KIF24: variants seen among roughly 807,000 people sequenced by gnomAD.
KIF24 encodes kinesin family member 24.
KIF24 carries 81 observed loss-of-function variants against 118.9 expected under a neutral mutation model. The ratio of observed to expected loss-of-function variants is 0.68; its 90% CI spans 0.57 to 0.82. The LOEUF (loss-of-function observed/expected upper bound fraction) is 0.82, where lower values mean the gene tolerates loss of function less well. Ranked by LOEUF, KIF24 falls within the 40% of genes least tolerant of loss-of-function variation. KIF24 has a pLI of 0.00. For missense variants in KIF24, 1,560 were observed against 1,661.6 expected, an observed-to-expected ratio of 0.94 and a Z score of 1.06; for synonymous variants, 599 against 610.0, an observed-to-expected ratio of 0.98 and a Z score of 0.27.
rs556845604 is a variant in KIF24 at position 34,263,126 on chromosome 9, G to A, written c.1490C>T (p.Pro497Leu). ...RALDQEHTHT[P>L]FRQSKLTQVL... ...CTGAGTTAGTTTGCTTTGCCTGAAGGGAGTATGGGTGTGTTCCTGATCCAG... is the reference window on the plus strand; with the variant it reads ...CTGAGTTAGTTTGCTTTGCCTGAAGAGAGTATGGGTGTGTTCCTGATCCAG... The change falls in exon 9 of 13, where the codon CCC becomes CTC. Residue 497 changes from proline to leucine, a missense_variant. Pro to Leu is a moderately conservative substitution (Grantham distance 98, BLOSUM62 -3). Coordinates refer to ENST00000402558, the MANE Select transcript of KIF24 (RefSeq NM_194313.4). 5 of 1,613,432 alleles carry A rather than the reference G, an allele frequency of 3.1e-6. No homozygotes were observed. In the South Asian group the frequency reaches 4.4e-5, roughly 14 times the overall value.
Position 34,256,333 on chromosome 9 carries a change from G to T in KIF24, c.3274C>A (p.His1092Asn). Reference sequence around the variant, plus strand: ...TCTTGATCACCAGATGGCACTGTGTGGCTCACAACTGGGCCCCCTGTGCTC... The same window carrying T: ...TCTTGATCACCAGATGGCACTGTGTTGCTCACAACTGGGCCCCCTGTGCTC... ...AESTGGPVVS[H>N]TVPSGDQEAA... The change falls in exon 11 of 13, where the codon CAC (histidine) becomes AAC (asparagine). Residue 1092 changes from histidine to asparagine, a missense_variant. This residue lies in a region of KIF24 where 591 missense variants were observed against 655.6 expected (regional missense o/e 0.90). Coordinates refer to ENST00000402558, the MANE Select transcript of KIF24 (RefSeq NM_194313.4). 2 of 1,613,562 alleles carry T rather than the reference G, an allele frequency of 1.2e-6. No homozygotes were observed. The highest frequency in any genetic ancestry group is 1.7e-6 in the Non-Finnish European group (2 of 1,179,798).
chr9:34,331,317 T>C (rs554943521), upstream of KIF24, among the ~76,000 whole-genome samples: 20 of 152,338 alleles, frequency 1.3e-4, no homozygotes, highest in South Asian at 3.5e-3. Flanking sequence ...ATTTAGTACC[T>C]CTGATAATGT....
intron 9 of KIF24, among the ~76,000 whole-genome samples, chr9:34,260,766 T>A (rs1392631376): frequency 6.6e-6 from 1 of 151,738 alleles, no homozygotes; most frequent in Non-Finnish European, 1.5e-5. Context: ...AGGTCAGGAG[T>A]TCAAAACCAG....
intron 3 of KIF24, among the ~76,000 whole-genome samples, chr9:34,303,476 A>G (rs1836801806): frequency 6.6e-6 from 1 of 152,156 alleles, no homozygotes; most frequent in South Asian, 2.1e-4. Context: ...CTGAACTTGG[A>G]TTATGCTTGC....
chr9:34,310,701 G>C, intron 2 of KIF24, 23 bp downstream of exon 2: 2 of 1,543,778 alleles, frequency 1.3e-6, no homozygotes, highest in South Asian at 2.6e-5. Flanking sequence ...TCCCTCAAAA[G>C]AAAGAAAGAT....
chr9:34,319,419 C>A, intron 1 of KIF24: 1 of 977,392 alleles, frequency 1.0e-6, no homozygotes, highest in Non-Finnish European at 1.7e-6. Flanking sequence ...GTCACGCATG[C>A]CACACAAGAA....
At position 34,256,575 on chromosome 9, in the gene KIF24, A is replaced by C. The variant is rs1434695781; in HGVS notation, c.3032T>G (p.Val1011Gly). 1 of 1,613,900 alleles carries C rather than the reference A, an allele frequency of 6.2e-7. No individual in the cohort carries two copies. Among genetic ancestry groups the C allele is most frequent in the Non-Finnish European group, 8.5e-7 (1 of 1,179,888 alleles). Residue 1011 changes from valine (V) to glycine (G), a missense_variant, in exon 11 of 13, where the codon GTC (valine) becomes GGC (glycine). Val to Gly is a moderately radical substitution (Grantham distance 109, BLOSUM62 -3). Coordinates refer to ENST00000402558, the MANE Select transcript of KIF24 (RefSeq NM_194313.4). ...CACCTGGATTGGGCCGTCTGCACTG[A>C]CTTCTCTCAGAGGTGTGGTGACTGT... ...RDTVTTPLRE[V>G]SADGPIQVTS...
At chr9:34,306,986 C>T (rs1742616111) in intron 2 of KIF24, among the ~76,000 whole-genome samples, 1 of 152,072 alleles carries the variant, frequency 6.6e-6, no homozygotes, top group Admixed American at 6.6e-5. Context: ...AAACAAAAAA[C>T]CCCTAAGAGA....
Position 34,256,649 on chromosome 9 carries a change from A to T in KIF24, c.2958T>A (p.Thr986=). 3 of 1,613,928 alleles carry T rather than the reference A, an allele frequency of 1.9e-6. No homozygotes were observed. Among genetic ancestry groups the T allele is most frequent in the Non-Finnish European group, 2.5e-6 (3 of 1,179,850 alleles). Residue 986 remains threonine (T), a synonymous_variant, in exon 11 of 13, where the codon ACT becomes ACA. Transcript: ENST00000402558. The part of the protein sequence containing the change: ...NLPSPEEDGF[T]ISLSHVAVPG... Reference sequence around the variant, plus strand: ...GAACTGCAACGTGGGACAATGAGATAGTGAAACCATCTTCCTCTGGGGATG... The same window carrying T: ...GAACTGCAACGTGGGACAATGAGATTGTGAAACCATCTTCCTCTGGGGATG...
intron 1 of KIF24, among the ~76,000 whole-genome samples, chr9:34,314,460 C>G (rs2131820791): frequency 6.6e-6 from 1 of 152,210 alleles, no homozygotes; most frequent in South Asian, 2.1e-4. Flanking sequence ...GCCACCATGC[C>G]CAGCCCAGTT....
rs951542051 is a variant in KIF24, at chr9:34,318,910, G to A, written c.-25-7539C>T. 4.4e-6 allele frequency: 7 copies of A among 1,583,730 alleles called. No individual in the cohort carries two copies. Among genetic ancestry groups the A allele is most frequent in the African/African-American group, 1.3e-5 (1 of 74,596 alleles). The stretch of plus-strand genomic sequence containing the variant: ...TCAATTTCCATGACAAGCGCAGTGC[G>A]CTGCAGTCCATCCACGAGTGGGCCG... On this transcript the variant is annotated intron_variant, in intron 1 of 12. Coordinates refer to ENST00000402558, the MANE Select transcript of KIF24 (RefSeq NM_194313.4). This position sits in a 1 kb window ranked among gnomAD's most constrained non-coding sequence, Gnocchi z 4.9.
intron 12 of KIF24, among the ~76,000 whole-genome samples, 184 bp from the exon 13 acceptor site, chr9:34,254,704 C>T (rs1400401373): frequency 2.6e-5 from 4 of 152,160 alleles, no homozygotes; most frequent in Admixed American, 2.6e-4. Context: ...GAGACACTTT[C>T]CAAGCAGAGG....
At chr9:34,260,988 A>ATAAT (rs140813765) in intron 9 of KIF24, among the ~76,000 whole-genome samples, 2,507 of 152,214 alleles carry the variant, frequency 0.016, 72 homozygotes, top group African/African-American at 0.057. Flanking sequence ...AAATAAATAA[A>ATAAT]TAAGTAAAAA....
intron 7 of KIF24, 28 bp from the exon 8 acceptor site, chr9:34,269,390 T>C (rs1185296966): frequency 1.3e-6 from 1 of 769,942 alleles, no homozygotes; most frequent in Non-Finnish European, 2.1e-6. Context: ...CAGGAGTGAC[T>C]TCTGTGAAGC....
At chr9:34,306,817 A>AT (rs1836942553) in intron 2 of KIF24, among the ~76,000 whole-genome samples, 1 of 151,950 alleles carries the variant, frequency 6.6e-6, no homozygotes, top group African/African-American at 2.4e-5. Context: ...AAAAAAAAGT[A>AT]TTGGTACATT....
chr9:34,279,417 T>C (rs1318007079), intron 6 of KIF24, among the ~76,000 whole-genome samples: 2 of 152,218 alleles, frequency 1.3e-5, no homozygotes, highest in African/African-American at 2.4e-5. Flanking sequence ...AAAATGGGTA[T>C]AGGAATGACT....
intron 3 of KIF24, among the ~76,000 whole-genome samples, chr9:34,304,526 T>C (rs1374733571): frequency 6.6e-6 from 1 of 152,194 alleles, no homozygotes; most frequent in Non-Finnish European, 1.5e-5. Flanking sequence ...AGTGATTGGA[T>C]AGGGCTATTA....
intron 3 of KIF24, 27 bp from the exon 4 acceptor site, chr9:34,297,141 A>G (rs758008403): frequency 1.1e-4 from 144 of 1,313,048 alleles, no homozygotes; most frequent in Non-Finnish European, 1.5e-4. Flanking sequence ...ATTTTATGGA[A>G]AGAGACACAT....
At chr9:34,288,882 AC>A (rs1244457565) in intron 5 of KIF24, among the ~76,000 whole-genome samples, 1 of 148,112 alleles carries the variant, frequency 6.8e-6, no homozygotes, top group Non-Finnish European at 1.5e-5. Context: ...ACACACACAC[AC>A]ACACACACAC....
Sources: allele counts gnomAD v4.1 joint callset (sites outside exome capture counted in the v4.1 genomes callset), GRCh38; gene constraint gnomAD v4.1.1; regional missense constraint gnomAD v4.1.1; non-coding constraint Gnocchi (gnomAD v3.1); transcripts MANE v1.5; gene names NCBI Gene and HGNC (gene_info 2026-07-23, HGNC 2026-07-21).